HLF: variants seen among roughly 807,000 people sequenced by gnomAD.
HLF encodes the protein hepatic leukemia factor.
Under a neutral mutation model 22.6 loss-of-function variants are expected in HLF, and 3 were observed. The ratio of observed to expected loss-of-function variants is 0.13; its 90% CI spans 0.06 to 0.34. The LOEUF is 0.34. Ranked by LOEUF, HLF falls within the 10% of genes least tolerant of loss-of-function variation. The pLI is 1.00. For synonymous variants in HLF, 151 were observed against 151.8 expected (o/e 0.99, Z 0.04); for missense variants, 299 against 389.2 (o/e 0.77, Z 1.95).
rs2080811098 is a variant in HLF at position 55,267,996 on chromosome 17, C to G, written c.361C>G (p.Pro121Ala). The G allele has an allele frequency of 3.7e-6, 6 of 1,613,700 alleles. No homozygotes were observed. The highest frequency in any genetic ancestry group is 1.1e-5 in the South Asian group (1 of 91,052). Residue 121 changes from proline to alanine, a missense_variant, in exon 2 of 4, where the codon CCC (proline) becomes GCC (alanine). By Grantham distance (27) the Pro-to-Ala change is conservative (BLOSUM62 -1). Coordinates refer to ENST00000226067, the MANE Select transcript of HLF (RefSeq NM_002126.5). ...GCTGCAGCCAGCTTCCTCGGCTGCCCCCTCGGTCATGGACCTCAGCAGCCG... is the reference window on the plus strand; with the variant it reads ...GCTGCAGCCAGCTTCCTCGGCTGCCGCCTCGGTCATGGACCTCAGCAGCCG... ...PGLQPASSAAPSVMDLSSRAS... is the reference protein window; with the variant it reads ...PGLQPASSAAASVMDLSSRAS...
In HLF at chr17:55,322,215, G is replaced by A. The variant is rs1040611154; in HGVS notation, c.*1336G>A. 5.0e-6 allele frequency: 1 copy of A among 201,018 alleles called. No homozygotes were observed. Among genetic ancestry groups the A allele is most frequent in the African/African-American group, 2.3e-5 (1 of 43,494 alleles). 12.5% of individuals were successfully genotyped at this position (201,018 alleles called of 1,614,324 possible). The stretch of plus-strand genomic sequence containing the variant: ...CACTGGTGTATCTCAGAAGGGGATG[G>A]TGTTGTCACAAACTGTGGTTAATCC... On this transcript the variant is annotated 3_prime_UTR_variant, in exon 4 of 4. Coordinates refer to ENST00000226067, the MANE Select transcript of HLF (RefSeq NM_002126.5).
intron 2 of HLF, among the ~76,000 whole-genome samples, chr17:55,295,994 G>C (rs1193579416): frequency 6.6e-6 from 1 of 152,212 alleles, no homozygotes; most frequent in African/African-American, 2.4e-5. Context: ...AAATGCCCTT[G>C]ATAGAAGCAG....
At chr17:55,282,164 G>T (rs942762663) in intron 2 of HLF, among the ~76,000 whole-genome samples, 9 of 152,178 alleles carry the variant, frequency 5.9e-5, no homozygotes, top group Non-Finnish European at 1.3e-4. Flanking sequence ...TACTCGGATT[G>T]TCACCCAGTG....
chr17:55,288,842 T>C (rs888097221), intron 2 of HLF: 52 of 673,050 alleles, frequency 7.7e-5, no homozygotes, highest in Non-Finnish European at 9.4e-5. Context: ...CAAATAAAAG[T>C]GGATATTGAC....
chr17:55,299,352 G>C (rs1381242720), intron 2 of HLF, among the ~76,000 whole-genome samples: 1 of 152,190 alleles, frequency 6.6e-6, no homozygotes, highest in Non-Finnish European at 1.5e-5. Flanking sequence ...ATCGTAGGCT[G>C]TTGAGGCTAT....
intron 2 of HLF, among the ~76,000 whole-genome samples, chr17:55,303,538 G>T (rs1904397894): frequency 6.6e-6 from 1 of 152,188 alleles, no homozygotes; most frequent in African/African-American, 2.4e-5. Context: ...CAGTATTATG[G>T]CACTGGGTCT....
chr17:55,278,550 T>C (rs565630034), intron 2 of HLF, among the ~76,000 whole-genome samples: 2 of 142,390 alleles, frequency 1.4e-5, no homozygotes, highest in East Asian at 4.1e-4. Context: ...GGCGAAGGTT[T>C]GTTTGGGGGA....
chr17:55,305,052 G>A (rs918454954), intron 2 of HLF, among the ~76,000 whole-genome samples: 1 of 152,200 alleles, frequency 6.6e-6, no homozygotes, highest in African/African-American at 2.4e-5. Context: ...CATACTAATA[G>A]TTTAAGGGCA....
At chr17:55,281,218 T>C (rs1254089839) in intron 2 of HLF, among the ~76,000 whole-genome samples, 2 of 152,218 alleles carry the variant, frequency 1.3e-5, no homozygotes, top group Non-Finnish European at 2.9e-5. Context: ...TCCCATCAAA[T>C]ATCTCTGAGT....
intron 2 of HLF, among the ~76,000 whole-genome samples, chr17:55,291,125 G>T (rs1364816139): frequency 6.6e-6 from 1 of 152,198 alleles, no homozygotes; most frequent in Non-Finnish European, 1.5e-5. Flanking sequence ...AAAGGTGCAA[G>T]GTGAAGCACC....
intron 1 of HLF, chr17:55,265,801 T>C: frequency 1.5e-6 from 2 of 1,325,180 alleles, no homozygotes; most frequent in Non-Finnish European, 1.9e-6. Context: ...GAGGGACCCC[T>C]CCTGAGCTAC....
In HLF at chr17:55,275,158, C is replaced by G. The variant is rs536079330; in HGVS notation, c.451+7072C>G. 2.6e-5 allele frequency among the ~76,000 whole-genome samples: 4 copies of G among 152,258 alleles called. No homozygotes were observed. The South Asian group carries it at 8.3e-4, about 32-fold the overall frequency. The stretch of plus-strand genomic sequence containing the variant: ...TGGCCCAGGCTAGAGAGCAGTGGCG[C>G]GATCATGGTTCACCACAACCTCAAC... On this transcript the variant is annotated intron_variant, in intron 2 of 3. Coordinates refer to ENST00000226067, the MANE Select transcript of HLF (RefSeq NM_002126.5).
chr17:55,297,249 T>C (rs12452367), intron 2 of HLF, among the ~76,000 whole-genome samples: 42,200 of 152,134 alleles, frequency 0.28, 6,062 homozygotes, highest in East Asian at 0.35. Context: ...CTTGTTATTC[T>C]GTAGTTATTT....
chr17:55,270,863 C>G (rs541073394), intron 2 of HLF, among the ~76,000 whole-genome samples: 112 of 152,070 alleles, frequency 7.4e-4, no homozygotes, highest in Middle Eastern at 6.8e-3. Flanking sequence ...GGGATGGTCT[C>G]GATCGCCTGA....
At chr17:55,285,514 A>G (rs564233158) in intron 2 of HLF, among the ~76,000 whole-genome samples, 1 of 152,326 alleles carries the variant, frequency 6.6e-6, no homozygotes, top group East Asian at 1.9e-4. Flanking sequence ...CAGCAGCTGC[A>G]GTCCCTTTTC....
intron 2 of HLF, among the ~76,000 whole-genome samples, chr17:55,304,230 T>C (rs1005458240): frequency 6.6e-6 from 1 of 152,088 alleles, no homozygotes; most frequent in African/African-American, 2.4e-5. Context: ...GAGGCCAAGG[T>C]AGAAGGCACA....
chr17:55,310,425 G>C (rs146791763), intron 2 of HLF, among the ~76,000 whole-genome samples: 1 of 152,270 alleles, frequency 6.6e-6, no homozygotes, highest in African/African-American at 2.4e-5. Flanking sequence ...ATTATTTCTG[G>C]TTTTAAAAAT....
At chr17:55,270,747 G>A (rs1230521424) in intron 2 of HLF, among the ~76,000 whole-genome samples, 4 of 141,530 alleles carry the variant, frequency 2.8e-5, no homozygotes, top group Admixed American at 7.7e-5. Flanking sequence ...TGCAAGCTCC[G>A]CCTCCCGGGT....
chr17:55,313,691 C>G (rs941825754), intron 2 of HLF, among the ~76,000 whole-genome samples: 1 of 152,096 alleles, frequency 6.6e-6, no homozygotes, highest in Non-Finnish European at 1.5e-5. Context: ...GGCACAAGAT[C>G]AAATCTAGCT....
Sources: gnomAD v4.1 joint callset for allele counts (sites outside exome capture counted in the v4.1 genomes callset) on GRCh38, gnomAD v4.1.1 for gene constraint, MANE v1.5 for transcripts, NCBI Gene and HGNC (gene_info 2026-07-23, HGNC 2026-07-21) for gene names.